Variants in ARFGEF2 observed in about 807,000 individuals in gnomAD.
The protein encoded by ARFGEF2 is brefeldin A-inhibited guanine nucleotide-exchange protein 2.
In ARFGEF2, 74 loss-of-function variants were observed where a neutral mutation model predicts 219.9. The ratio of observed to expected loss-of-function variants is 0.34; its 90% CI spans 0.28 to 0.41. The LOEUF (loss-of-function observed/expected upper bound fraction) is 0.41. Ranked by LOEUF, ARFGEF2 falls within the 10% of genes least tolerant of loss-of-function variation. ARFGEF2 has a pLI of 1.00. For synonymous variants in ARFGEF2, 733 were observed against 799.2 expected (o/e 0.92, Z 1.40); for missense variants, 1,743 against 2,218.3 (o/e 0.79, Z 4.30).
intron 3 of ARFGEF2, 89 bp from the exon 4 acceptor site, chr20:48,951,234 G>C: frequency 6.6e-7 from 1 of 1,506,166 alleles, no homozygotes; most frequent in Non-Finnish European, 9.1e-7. Flanking sequence ...GGAACTGGAA[G>C]TGCCTGTCTT....
At chr20:48,937,018 G>A (rs1029373470) in intron 1 of ARFGEF2, among the ~76,000 whole-genome samples, 3 of 152,222 alleles carry the variant, frequency 2.0e-5, no homozygotes, top group African/African-American at 7.2e-5. Context: ...CAACTTTTAG[G>A]TTGGGCCATA....
In ARFGEF2 at chr20:48,974,801, C is replaced by T. The variant is rs759494406; in HGVS notation, c.1701C>T (p.Leu567=). The T allele has an allele frequency of 4.3e-6, 7 of 1,613,912 alleles. No homozygotes were observed. The highest frequency in any genetic ancestry group is 2.2e-5 in the South Asian group (2 of 91,012). ...TGAGGAAGAAAGGCCTGGAGTGCCT[C>T]GTGTCCATTCTCAAGTGCATGGTGG... ...LSLRKKGLEC[L]VSILKCMVEW... Residue 567 remains leucine, a synonymous_variant, in exon 13 of 39, where the codon CTC becomes CTT. Coordinates refer to ENST00000371917, the MANE Select transcript of ARFGEF2 (RefSeq NM_006420.3).
chr20:48,986,268 C>T (rs901153848), intron 16 of ARFGEF2, among the ~76,000 whole-genome samples: 3 of 152,146 alleles, frequency 2.0e-5, no homozygotes, highest in African/African-American at 7.2e-5. Flanking sequence ...GATTGAGCAA[C>T]CTGTCCAAAA....
intron 28 of ARFGEF2, 97 bp from the exon 29 acceptor site, chr20:49,013,467 A>C: frequency 6.6e-7 from 1 of 1,513,730 alleles, no homozygotes; most frequent in African/African-American, 1.4e-5. Flanking sequence ...TTTTTGGGAG[A>C]GAAAAATGTG....
intron 14 of ARFGEF2, among the ~76,000 whole-genome samples, chr20:48,981,163 T>G (rs1329601730): frequency 6.6e-6 from 1 of 152,256 alleles, no homozygotes; most frequent in African/African-American, 2.4e-5. Flanking sequence ...GGAGCTCTTG[T>G]AAGGCAGGCC....
intron 21 of ARFGEF2, among the ~76,000 whole-genome samples, chr20:48,993,932 CAAAT>C (rs980811124): frequency 1.6e-4 from 24 of 151,928 alleles, no homozygotes; most frequent in Middle Eastern, 3.4e-3. Context: ...AGGAAACAAA[CAAAT>C]AGATATATGG....
intron 3 of ARFGEF2, among the ~76,000 whole-genome samples, chr20:48,944,197 C>A (rs1245690502): frequency 6.6e-6 from 1 of 152,206 alleles, no homozygotes; most frequent in Non-Finnish European, 1.5e-5. Context: ...AGTCCTACTT[C>A]TATCCTAAAA....
intron 3 of ARFGEF2, among the ~76,000 whole-genome samples, chr20:48,942,959 A>G (rs935726248): frequency 2.1e-4 from 32 of 152,182 alleles, no homozygotes; most frequent in African/African-American, 7.5e-4. Flanking sequence ...CCACGGTGCT[A>G]TAACACATGC....
chr20:48,998,237 T>C lies in ARFGEF2; in HGVS notation c.3262+4T>C, dbSNP rs1228542103. On this transcript the variant is annotated splice_donor_region_variant and intron_variant, in intron 24 of 38. Coordinates refer to ENST00000371917, the MANE Select transcript of ARFGEF2 (RefSeq NM_006420.3). ...AGACTGGATGGAAATGCAATAGGTA[T>C]GTATTTGACTTACCTGTGAAAACTG... 2 of 1,613,818 alleles carry C rather than the reference T, an allele frequency of 1.2e-6. No homozygotes were observed. The highest frequency in any genetic ancestry group is 2.7e-5 in the African/African-American group (2 of 74,932).
intron 14 of ARFGEF2, among the ~76,000 whole-genome samples, chr20:48,982,214 G>T (rs2091300235): frequency 6.6e-6 from 1 of 152,140 alleles, no homozygotes; most frequent in Non-Finnish European, 1.5e-5. Context: ...CTTTCTGTTT[G>T]TAGCTTTCCT....
chr20:48,996,026 C>T (rs1347651275), intron 23 of ARFGEF2, 144 bp downstream of exon 23: 8 of 745,064 alleles, frequency 1.1e-5, no homozygotes, highest in East Asian at 1.0e-4. Context: ...CATTTATTTG[C>T]ATTTTGACCT....
chr20:49,023,220 T>C (rs2091577161), intron 35 of ARFGEF2, 39 bp downstream of exon 35: 2 of 1,612,486 alleles, frequency 1.2e-6, no homozygotes, highest in Middle Eastern at 1.7e-4. Flanking sequence ...TCCCTGTCCA[T>C]AGGGAGGTTG....
chr20:48,976,051 G>T lies in ARFGEF2; in HGVS notation c.1810G>T (p.Gly604Trp). ...GCTCACGGATCAGGAAATAGGGGAT[G>T]GGAAAGGCCTTGACATGGCAAGACG... ...ERLTDQEIGD[G>W]KGLDMARRCS... The change falls in exon 14 of 39, where the codon GGG becomes TGG. Residue 604 changes from glycine to tryptophan, a missense_variant. This residue lies in a region of ARFGEF2 where 666 missense variants were observed against 955.4 expected (regional missense o/e 0.70). Coordinates refer to ENST00000371917, the MANE Select transcript of ARFGEF2 (RefSeq NM_006420.3). 1 of 1,612,656 alleles carries T rather than the reference G, an allele frequency of 6.2e-7. No homozygotes were observed.
At chr20:49,004,329 T>A (rs989192830) in intron 25 of ARFGEF2, among the ~76,000 whole-genome samples, 3 of 151,568 alleles carry the variant, frequency 2.0e-5, no homozygotes, top group African/African-American at 7.3e-5. Flanking sequence ...GAGTTAGACT[T>A]TATCTTAAAA....
chr20:49,018,796 TG>T, intron 33 of ARFGEF2, 87 bp from the exon 34 acceptor site: 1 of 1,030,440 alleles, frequency 9.7e-7, no homozygotes, highest in Non-Finnish European at 1.5e-6. Context: ...AAATACAGGC[TG>T]GACCAGCCGT....
chr20:48,949,337 C>A (rs1050970167), intron 3 of ARFGEF2, among the ~76,000 whole-genome samples: 1 of 152,184 alleles, frequency 6.6e-6, no homozygotes, highest in African/African-American at 2.4e-5. Flanking sequence ...CACTTGCAAT[C>A]CAGTGCACAA....
intron 1 of ARFGEF2, among the ~76,000 whole-genome samples, chr20:48,923,822 C>A (rs111349356): frequency 0.054 from 8,292 of 152,290 alleles, 301 homozygotes; most frequent in Non-Finnish European, 0.074. Context: ...AAATTTTCAT[C>A]TGGGTCATGA....
intron 26 of ARFGEF2, among the ~76,000 whole-genome samples, chr20:49,009,201 C>T (rs1276245663): frequency 6.6e-6 from 1 of 152,130 alleles, no homozygotes; most frequent in East Asian, 1.9e-4. Context: ...TGTAGTCAGT[C>T]CTTTGTTATC....
chr20:48,944,029 T>C (rs2091009951), intron 3 of ARFGEF2, among the ~76,000 whole-genome samples: 1 of 152,210 alleles, frequency 6.6e-6, no homozygotes, highest in African/African-American at 2.4e-5. Context: ...ACTCTATTAA[T>C]CTCTCTTCTT....
Sources: gnomAD v4.1 joint callset for allele counts (sites outside exome capture counted in the v4.1 genomes callset) on GRCh38, gnomAD v4.1.1 for gene constraint, gnomAD v4.1.1 regional missense constraint, MANE v1.5 for transcripts, NCBI Gene and HGNC (gene_info 2026-07-23, HGNC 2026-07-21) for gene names.